B3GNT5: variants seen among roughly 807,000 people sequenced by gnomAD.
B3GNT5 encodes UDP-GlcNAc:betaGal beta-1,3-N-acetylglucosaminyltransferase 5, also known as lactosylceramide 1,3-N-acetyl-beta-D-glucosaminyltransferase.
In B3GNT5, 11 loss-of-function variants were observed where a neutral mutation model predicts 25.9. The observed-to-expected ratio is 0.42, with a 90% CI of 0.27 to 0.70. The LOEUF (loss-of-function observed/expected upper bound fraction) is 0.70, where lower values mean the gene tolerates loss of function less well. B3GNT5 is among the 30% of genes least tolerant of loss of function. The pLI, the probability that B3GNT5 is intolerant of heterozygous loss-of-function variation, is 0.23. For missense variants in B3GNT5, 385 were observed against 458.4 expected (o/e 0.84, Z 1.46); for synonymous variants, 166 against 158.6 (o/e 1.05, Z -0.35).
chr3:183,270,307 T>C lies in B3GNT5; in HGVS notation c.509T>C (p.Leu170Pro), dbSNP rs1463654391. The C allele has an allele frequency of 6.2e-7, 1 of 1,614,092 alleles. No homozygotes were observed. Among genetic ancestry groups the C allele is most frequent in the Non-Finnish European group, 8.5e-7 (1 of 1,180,032 alleles). Reference protein sequence around the residue: ...DFVDSFYNLTLKLLMQFSWAN... With the variant: ...DFVDSFYNLTPKLLMQFSWAN... Reference sequence around the variant, plus strand: ...GTTGATTCTTTCTACAATCTTACTCTGAAATTACTTATGCAGTTCAGTTGG... The same window carrying C: ...GTTGATTCTTTCTACAATCTTACTCCGAAATTACTTATGCAGTTCAGTTGG... Residue 170 changes from leucine to proline, a missense_variant, in exon 2 of 2, where the codon CTG becomes CCG. By Grantham distance (98) the Leu-to-Pro change is moderately conservative (BLOSUM62 -3). Transcript: ENST00000326505. This position sits in a 1 kb window ranked among gnomAD's most constrained non-coding sequence, Gnocchi z 4.5.
At chr3:183,263,428 A>G (rs930423306) in intron 1 of B3GNT5, among the ~76,000 whole-genome samples, 15 of 152,116 alleles carry the variant, frequency 9.9e-5, no homozygotes, top group African/African-American at 3.6e-4. Flanking sequence ...TTCCCCACTT[A>G]GAGCTCCAAG....
intron 1 of B3GNT5, chr3:183,254,483 G>A (rs1239073888): frequency 6.6e-6 from 1 of 152,094 alleles, no homozygotes; most frequent in African/African-American, 2.4e-5. Context: ...ACCCAGGCCG[G>A]GCCGCCGCCC....
At chr3:183,257,145 G>A (rs1302363871) in intron 1 of B3GNT5, among the ~76,000 whole-genome samples, 3 of 152,182 alleles carry the variant, frequency 2.0e-5, no homozygotes, top group Non-Finnish European at 2.9e-5. Flanking sequence ...TTGCACAGAT[G>A]GAACATCTAA....
intron 1 of B3GNT5, among the ~76,000 whole-genome samples, chr3:183,266,810 G>A (rs1380053493): frequency 6.9e-6 from 1 of 144,220 alleles, no homozygotes; most frequent in Non-Finnish European, 1.5e-5. Context: ...TTTTTGAGAT[G>A]GAATCTCATT....
At chr3:183,269,067 GC>G (rs2108441972) in intron 1 of B3GNT5, among the ~76,000 whole-genome samples, 1 of 152,120 alleles carries the variant, frequency 6.6e-6, no homozygotes, top group South Asian at 2.1e-4. Context: ...TCTGGGGCAA[GC>G]CTTAATGGAT....
chr3:183,269,229 G>GTTTTTTTTTTTTTTTTTTTTTTTTTTT (rs1305607255), intron 1 of B3GNT5, among the ~76,000 whole-genome samples: 1 of 77,022 alleles, frequency 1.3e-5, no homozygotes, highest in African/African-American at 1.1e-4. Flanking sequence ...CGTTTGGGAA[G>GTTTTTTTTTTTTTTTTTTTTTTTTTTT]CTTTTTTTTT....
At position 183,270,352 on chromosome 3, in the gene B3GNT5, A is replaced by G. The variant is rs1479766333; in HGVS notation, c.554A>G (p.His185Arg). 2.5e-6 allele frequency: 4 copies of G among 1,614,058 alleles called. No individual in the cohort carries two copies. The Admixed American group carries it at 6.7e-5, about 27-fold the overall frequency. The change falls in exon 2 of 2, where the codon CAT (histidine) becomes CGT (arginine). Residue 185 changes from histidine (H) to arginine (R), a missense_variant. His to Arg is a conservative substitution (Grantham distance 29). Transcript: ENST00000326505. The surrounding 1 kb of genome is among the most constrained non-coding windows in gnomAD (Gnocchi z 4.5). ...QFSWANTYCP[H>R]AKFLMTADDD... ...AGTTGGGCAAATACCTATTGTCCAC[A>G]TGCCAAATTTCTTATGACTGCTGAT...
chr3:183,266,008 A>C (rs1560383782), intron 1 of B3GNT5: 1 of 152,250 alleles, frequency 6.6e-6, no homozygotes, highest in Non-Finnish European at 1.5e-5. Context: ...ACAGCTGAAA[A>C]AATACAGGAA....
At chr3:183,256,853 C>G (rs559874809) in intron 1 of B3GNT5, among the ~76,000 whole-genome samples, 1 of 130,394 alleles carries the variant, frequency 7.7e-6, no homozygotes, top group Non-Finnish European at 1.5e-5. Flanking sequence ...AACGGAAGAC[C>G]GTTATTCCAT....
In B3GNT5 at chr3:183,270,985, GAAA is replaced by G; in HGVS notation, c.*55_*57del. 6.8e-7 allele frequency: 1 copy of G among 1,478,730 alleles called. No individual in the cohort carries two copies. The highest frequency in any genetic ancestry group is 9.1e-7 in the Non-Finnish European group (1 of 1,104,124). 91.6% of individuals were successfully genotyped at this position (1,478,730 alleles called of 1,614,324 possible). On this transcript the variant is annotated 3_prime_UTR_variant, in exon 2 of 2. Coordinates refer to ENST00000326505, the MANE Select transcript of B3GNT5 (RefSeq NM_032047.5). The surrounding 1 kb of genome is among the most constrained non-coding windows in gnomAD (Gnocchi z 4.5). ...CACTGTCACTGAGTCAAACCTGGAT[GAAA>G]AAAACCTTTAAATGTTCGTCTATAC...
intron 1 of B3GNT5, among the ~76,000 whole-genome samples, chr3:183,269,229 G>GTTTTTTTTTTTTTTTTT (rs1305607255): frequency 3.2e-4 from 25 of 77,000 alleles, no homozygotes; most frequent in African/African-American, 9.1e-4. Context: ...CGTTTGGGAA[G>GTTTTTTTTTTTTTTTTT]CTTTTTTTTT....
chr3:183,258,258 A>T (rs140106228), intron 1 of B3GNT5: 4 of 152,590 alleles, frequency 2.6e-5, no homozygotes, highest in African/African-American at 9.7e-5. Flanking sequence ...GAGCCACCGC[A>T]CCCGGCCCAC....
rs1726933935 is a variant in B3GNT5, at chr3:183,273,191, G to A, written c.*2256G>A. The stretch of plus-strand genomic sequence containing the variant: ...AAACTATCAGCTTGGATGGTCACTT[G>A]AATAGAAGATGGTTATACACAGTGT... On this transcript the variant is annotated 3_prime_UTR_variant, in exon 2 of 2. Transcript: ENST00000326505. The A allele has an allele frequency of 6.3e-6, 3 of 475,210 alleles. No individual in the cohort carries two copies. The highest frequency in any genetic ancestry group is 1.1e-5 in the Non-Finnish European group (3 of 263,070). 29.4% of individuals were successfully genotyped at this position (475,210 alleles called of 1,614,324 possible).
intron 1 of B3GNT5, among the ~76,000 whole-genome samples, chr3:183,256,343 T>TA (rs1317163939): frequency 6.6e-6 from 1 of 152,198 alleles, no homozygotes; most frequent in Non-Finnish European, 1.5e-5. Flanking sequence ...TTCCTTACGG[T>TA]ATGCAATATC....
rs191102229 is a variant in B3GNT5 at position 183,272,200 on chromosome 3, A to C, written c.*1265A>C. On this transcript the variant is annotated 3_prime_UTR_variant, in exon 2 of 2. Transcript: ENST00000326505. Reference sequence around the variant, plus strand: ...AGATGTGTCTGAGATCTAATAGAGTAAGTTACATTTATTTTACAAAGCAGG... The same window carrying C: ...AGATGTGTCTGAGATCTAATAGAGTCAGTTACATTTATTTTACAAAGCAGG... 271 of 999,978 alleles carry C rather than the reference A, an allele frequency of 2.7e-4. No homozygotes were observed. The highest frequency in any genetic ancestry group is 3.2e-4 in the Non-Finnish European group (264 of 829,934). The allele number at this position is 999,978 out of a possible 1,614,324, so 61.9% of individuals were successfully genotyped here.
intron 1 of B3GNT5, among the ~76,000 whole-genome samples, chr3:183,258,791 G>A (rs1157336717): frequency 6.6e-6 from 1 of 151,914 alleles, no homozygotes; most frequent in Non-Finnish European, 1.5e-5. Flanking sequence ...CCAGGCTAGA[G>A]TGCAGAGGCA....
rs1726873920 is a variant in B3GNT5 at position 183,272,636 on chromosome 3, T to C, written c.*1701T>C. Reference sequence around the variant, plus strand: ...TTCTAGGTTGTAGTTACTTTCAGAGTAGATACAGGGTTTTAGATCATTACA... The same window carrying C: ...TTCTAGGTTGTAGTTACTTTCAGAGCAGATACAGGGTTTTAGATCATTACA... On this transcript the variant is annotated 3_prime_UTR_variant, in exon 2 of 2. Coordinates refer to ENST00000326505, the MANE Select transcript of B3GNT5 (RefSeq NM_032047.5). 3 of 1,000,646 alleles carry C rather than the reference T, an allele frequency of 3.0e-6. No individual in the cohort carries two copies. Among genetic ancestry groups the C allele is most frequent in the Admixed American group, 1.2e-4 (2 of 16,312 alleles). 62.0% of individuals were successfully genotyped at this position (1,000,646 alleles called of 1,614,324 possible).
chr3:183,270,073 T>C lies in B3GNT5; in HGVS notation c.275T>C (p.Leu92Pro). 1 of 1,614,194 alleles carries C rather than the reference T, an allele frequency of 6.2e-7. No homozygotes were observed. Among genetic ancestry groups the C allele is most frequent in the Non-Finnish European group, 8.5e-7 (1 of 1,180,036 alleles). The change falls in exon 2 of 2, where the codon CTG becomes CCG. Residue 92 changes from leucine to proline, a missense_variant. By Grantham distance (98) the Leu-to-Pro change is moderately conservative. Transcript: ENST00000326505. This position sits in a 1 kb window ranked among gnomAD's most constrained non-coding sequence, Gnocchi z 4.5. ...CAAGCTCAAGACGTCCTCCTTTTACTGTTTGTAAAAACTGCTCCTGAAAAC... is the reference window on the plus strand; with the variant it reads ...CAAGCTCAAGACGTCCTCCTTTTACCGTTTGTAAAAACTGCTCCTGAAAAC... Reference protein sequence around the residue: ...KCQAQDVLLLLFVKTAPENYD... With the variant: ...KCQAQDVLLLPFVKTAPENYD...
rs758056585 is a variant in B3GNT5 at position 183,271,746 on chromosome 3, A to G, written c.*811A>G. ...TAAGCTGATTTTAATGACGTTTTCA[A>G]CTGGTTTTTAAATATTCAATATTGG... On this transcript the variant is annotated 3_prime_UTR_variant, in exon 2 of 2. Transcript: ENST00000326505. 1 of 166,984 alleles carries G rather than the reference A, an allele frequency of 6.0e-6. No homozygotes were observed. Among genetic ancestry groups the G allele is most frequent in the African/African-American group, 2.4e-5 (1 of 41,454 alleles). The allele number at this position is 166,984 out of a possible 1,614,324, so 10.3% of individuals were successfully genotyped here.
Sources: gnomAD v4.1 joint callset for allele counts (sites outside exome capture counted in the v4.1 genomes callset) on GRCh38, gnomAD v4.1.1 for gene constraint, Gnocchi (gnomAD v3.1) non-coding constraint, MANE v1.5 for transcripts, NCBI Gene and HGNC (gene_info 2026-07-23, HGNC 2026-07-21) for gene names.